Variants in PGM5 observed in about 807,000 individuals in gnomAD.
The protein encoded by PGM5 is phosphoglucomutase 5.
Under a neutral mutation model 59.2 loss-of-function variants are expected in PGM5, and 23 were observed. The observed-to-expected ratio is 0.39, with a 90% CI of 0.28 to 0.55. PGM5 has a LOEUF of 0.55. PGM5 is among the 20% of genes least tolerant of loss of function. The pLI, the probability that PGM5 is intolerant of heterozygous loss-of-function variation, is 0.66. For synonymous variants in PGM5, 214 were observed against 286.0 expected (o/e 0.75, Z 2.54); for missense variants, 574 against 748.3 (o/e 0.77, Z 2.72).
At chr9:68,490,646 C>T (rs1380227757) in intron 9 of PGM5, among the ~76,000 whole-genome samples, 2 of 152,184 alleles carry the variant, frequency 1.3e-5, no homozygotes, top group East Asian at 1.9e-4. Flanking sequence ...TGAGCCACTG[C>T]GCCTGACCTC....
chr9:68,432,950 AC>A (rs150537592), intron 6 of PGM5, among the ~76,000 whole-genome samples: 1,834 of 152,258 alleles, frequency 0.012, 42 homozygotes, highest in African/African-American at 0.041. Flanking sequence ...ATTCCGTTAT[AC>A]CATGATGGAA....
At chr9:68,470,640 G>A (rs1256204109) in intron 7 of PGM5, among the ~76,000 whole-genome samples, 4 of 151,958 alleles carry the variant, frequency 2.6e-5, no homozygotes, top group African/African-American at 9.7e-5. Flanking sequence ...GTCTCTTTTC[G>A]CATCTGCCGA....
intron 1 of PGM5, among the ~76,000 whole-genome samples, chr9:68,376,292 T>G (rs1218117551): frequency 1.3e-5 from 2 of 152,180 alleles, no homozygotes; most frequent in Non-Finnish European, 2.9e-5. Context: ...ATATTATTAT[T>G]AAAATTGACA....
intron 10 of PGM5, among the ~76,000 whole-genome samples, chr9:68,517,911 C>T (rs550332763): frequency 6.6e-6 from 1 of 152,306 alleles, no homozygotes; most frequent in Non-Finnish European, 1.5e-5. Context: ...GGAAAATGAG[C>T]CAAAGCTCTT....
At chr9:68,406,891 G>A (rs1281927988) in intron 6 of PGM5, among the ~76,000 whole-genome samples, 2 of 150,796 alleles carry the variant, frequency 1.3e-5, no homozygotes, top group South Asian at 2.1e-4. Context: ...TTGGCCAGTG[G>A]CTGTGCTCAG....
chr9:68,420,077 A>C (rs1554682248), intron 6 of PGM5, among the ~76,000 whole-genome samples: 1 of 152,068 alleles, frequency 6.6e-6, no homozygotes, highest in Admixed American at 6.6e-5. Context: ...TCAAGCTGAA[A>C]ACGTACACCT....
At position 68,399,685 on chromosome 9, in the gene PGM5, G is replaced by A. The variant is rs551019232; in HGVS notation, c.1043+7212G>A. ...CTTCTTTTTAGTCTGATGAATTTGC[G>A]GAAGTTCCTTGGATGATCTAGATAC... On this transcript the variant is annotated intron_variant, in intron 6 of 10. Transcript: ENST00000396396. 4.4e-3 allele frequency among the ~76,000 whole-genome samples: 661 copies of A among 151,442 alleles called. 3 individuals carry two copies. Among genetic ancestry groups the A allele is most frequent in the African/African-American group, 0.015 (614 of 41,242 alleles).
chr9:68,501,970 C>T (rs1348824211), intron 10 of PGM5, among the ~76,000 whole-genome samples: 1 of 152,166 alleles, frequency 6.6e-6, no homozygotes, highest in African/African-American at 2.4e-5. Context: ...GCATTTAGAC[C>T]ATACTCACAT....
chr9:68,507,439 C>T (rs1016796048), intron 10 of PGM5, among the ~76,000 whole-genome samples: 17 of 152,264 alleles, frequency 1.1e-4, no homozygotes, highest in African/African-American at 3.9e-4. Context: ...GACTCCTGCC[C>T]AATTAGGATG....
chr9:68,426,127 T>C (rs1429792841), intron 6 of PGM5, among the ~76,000 whole-genome samples: 9 of 152,166 alleles, frequency 5.9e-5, no homozygotes, highest in African/African-American at 1.9e-4. Flanking sequence ...CCAGCAACTA[T>C]TTTCATTCCC....
At chr9:68,436,355 G>C (rs978267304) in intron 6 of PGM5, among the ~76,000 whole-genome samples, 1 of 152,158 alleles carries the variant, frequency 6.6e-6, no homozygotes, top group South Asian at 2.1e-4. Flanking sequence ...GTAGTTTACA[G>C]GTCATTGGCG....
rs1824249698 is a variant in PGM5 at position 68,484,218 on chromosome 9, T to G, written c.1479+170T>G. Among the ~76,000 whole-genome samples the G allele has an allele frequency of 2.6e-5, 4 of 151,828 alleles. No individual in the cohort carries two copies. In the South Asian group the frequency reaches 8.3e-4, roughly 32 times the overall value. ...TGATGAAGGACACCTAACAAGTTAG[T>G]GCACAGGGTAGATTAGAACATGGGC... is the stretch of plus-strand genomic sequence containing the variant. On this transcript the variant is annotated intron_variant, in intron 9 of 10. Transcript: ENST00000396396.
intron 6 of PGM5, chr9:68,399,074 A>T (rs1822596318): frequency 6.6e-6 from 1 of 151,942 alleles, no homozygotes; most frequent in Admixed American, 6.6e-5. Context: ...ATTGTATTTG[A>T]TTTCTTACCT....
At chr9:68,467,819 TATTG>T (rs1315062056) in intron 7 of PGM5, among the ~76,000 whole-genome samples, 1 of 151,152 alleles carries the variant, frequency 6.6e-6, no homozygotes, top group East Asian at 1.9e-4. Context: ...GAAGAGAAGC[TATTG>T]ATTAATATGC....
At chr9:68,509,055 G>A (rs1247844948) in intron 10 of PGM5, among the ~76,000 whole-genome samples, 8 of 152,158 alleles carry the variant, frequency 5.3e-5, no homozygotes, top group African/African-American at 9.7e-5. Context: ...TTCCCAACAC[G>A]GTCATGCTTC....
rs779199685 is a variant in PGM5 at position 68,437,828 on chromosome 9, C to T, written c.1044-27265C>T. Among the ~76,000 whole-genome samples, 40 of 152,134 alleles carry T rather than the reference C, an allele frequency of 2.6e-4. No individual in the cohort carries two copies. Among genetic ancestry groups the T allele is most frequent in the Non-Finnish European group, 4.6e-4 (31 of 68,022 alleles). On this transcript the variant is annotated intron_variant, in intron 6 of 10. Coordinates refer to ENST00000396396, the MANE Select transcript of PGM5 (RefSeq NM_021965.4). The surrounding 1 kb of genome is among the most constrained non-coding windows in gnomAD (Gnocchi z 4.1). ...CTGGCAGTACTGGGCCTACATTTCCCTATAGCAATATTTGTCTGAAGCTGA... is the reference window on the plus strand; with the variant it reads ...CTGGCAGTACTGGGCCTACATTTCCTTATAGCAATATTTGTCTGAAGCTGA...
intron 6 of PGM5, among the ~76,000 whole-genome samples, chr9:68,411,957 T>C (rs1329882763): frequency 1.3e-5 from 2 of 148,744 alleles, no homozygotes; most frequent in Admixed American, 1.3e-4. Flanking sequence ...TTGACTATAG[T>C]AGTTGATCAA....
intron 7 of PGM5, among the ~76,000 whole-genome samples, chr9:68,465,936 C>A (rs1429957189): frequency 6.6e-6 from 1 of 151,842 alleles, no homozygotes; most frequent in African/African-American, 2.4e-5. Context: ...TGTATTTAAC[C>A]CTATGTGGGA....
chr9:68,373,921 T>C (rs1821806919), intron 1 of PGM5, among the ~76,000 whole-genome samples: 1 of 152,200 alleles, frequency 6.6e-6, no homozygotes, highest in Admixed American at 6.5e-5. Context: ...GTAGAGATGA[T>C]ATGTTTGTTT....
Sources: allele counts gnomAD v4.1 joint callset (sites outside exome capture counted in the v4.1 genomes callset), GRCh38; gene constraint gnomAD v4.1.1; non-coding constraint Gnocchi (gnomAD v3.1); transcripts MANE v1.5; gene names NCBI Gene and HGNC (gene_info 2026-07-23, HGNC 2026-07-21).